Variants in SGCZ observed in about 807,000 individuals in gnomAD.
SGCZ encodes sarcoglycan zeta.
Under a neutral mutation model 41.3 loss-of-function variants are expected in SGCZ, and 40 were observed. The observed-to-expected ratio is 0.97, with a 90% CI of 0.75 to 1.26. SGCZ has a LOEUF of 1.26. Among genes scored for constraint, SGCZ ranks in the 50% most tolerant of loss-of-function variants. The pLI, the probability that SGCZ is intolerant of heterozygous loss-of-function variation, is 0.00. For synonymous variants in SGCZ, 206 were observed against 137.5 expected, an observed-to-expected ratio of 1.50 and a Z score of -3.49; for missense variants, 552 against 369.8, an observed-to-expected ratio of 1.49 and a Z score of -4.04.
At chr8:15,160,546 G>C (rs1246048893) in intron 1 of SGCZ, among the ~76,000 whole-genome samples, 1 of 152,140 alleles carries the variant, frequency 6.6e-6, no homozygotes, top group East Asian at 1.9e-4. Context: ...TTTGAAAGAA[G>C]GAAAAGTAGC....
chr8:14,276,667 C>T (rs10105467), intron 3 of SGCZ, among the ~76,000 whole-genome samples: 32,823 of 151,870 alleles, frequency 0.22, 3,722 homozygotes, highest in East Asian at 0.3. Context: ...CTTTTCTTTC[C>T]AATTTGTATT....
At chr8:14,813,765 A>T (rs1360536696) in intron 1 of SGCZ, among the ~76,000 whole-genome samples, 1 of 152,144 alleles carries the variant, frequency 6.6e-6, no homozygotes, top group East Asian at 1.9e-4. Context: ...CAACGTGGCC[A>T]ACATGCAGAA....
At chr8:14,965,448 A>C (rs1313506204) in intron 1 of SGCZ, among the ~76,000 whole-genome samples, 2 of 152,154 alleles carry the variant, frequency 1.3e-5, no homozygotes, top group Non-Finnish European at 2.9e-5. Flanking sequence ...GCAAAAGAAA[A>C]TATGAGTGGC....
chr8:14,814,387 T>C (rs900681340), intron 1 of SGCZ, among the ~76,000 whole-genome samples: 1 of 151,998 alleles, frequency 6.6e-6, no homozygotes, highest in African/African-American at 2.4e-5. Flanking sequence ...GGGCAAAGAT[T>C]CAAAGAGCTA....
At chr8:14,735,701 G>C (rs111523962) in intron 1 of SGCZ, among the ~76,000 whole-genome samples, 71 of 152,192 alleles carry the variant, frequency 4.7e-4, no homozygotes, top group African/African-American at 1.6e-3. Context: ...ACTCCCTTTC[G>C]TATATACATC....
intron 4 of SGCZ, among the ~76,000 whole-genome samples, chr8:14,223,615 G>C (rs1806277913): frequency 1.3e-5 from 2 of 152,200 alleles, no homozygotes; most frequent in Admixed American, 1.3e-4. Flanking sequence ...TGTCCTGTCA[G>C]TTATTTGTTA....
chr8:14,813,860 G>A (rs1585284030), intron 1 of SGCZ, among the ~76,000 whole-genome samples: 1 of 152,258 alleles, frequency 6.6e-6, no homozygotes, highest in South Asian at 2.1e-4. Flanking sequence ...CACTAAGGCA[G>A]AAGAATCACT....
chr8:15,003,119 G>A (rs988276377), intron 1 of SGCZ, among the ~76,000 whole-genome samples: 4 of 152,112 alleles, frequency 2.6e-5, no homozygotes, highest in Non-Finnish European at 5.9e-5. Context: ...TTGTCATGGT[G>A]AAATTTAATA....
At chr8:14,989,579 C>A (rs971279650) in intron 1 of SGCZ, among the ~76,000 whole-genome samples, 2 of 152,002 alleles carry the variant, frequency 1.3e-5, no homozygotes, top group African/African-American at 4.8e-5. Flanking sequence ...GCAGAAGAGG[C>A]CTCAGGGATT....
At chr8:14,145,349 C>T (rs1264805325) in intron 5 of SGCZ, among the ~76,000 whole-genome samples, 6 of 152,144 alleles carry the variant, frequency 3.9e-5, no homozygotes, top group African/African-American at 1.4e-4. Context: ...ACTAACAACC[C>T]CTATGACTAT....
chr8:14,310,670 C>T (rs1471199305), intron 3 of SGCZ, among the ~76,000 whole-genome samples: 2 of 151,980 alleles, frequency 1.3e-5, no homozygotes, highest in Admixed American at 6.6e-5. Context: ...AAAATGTGTA[C>T]AGTGAATTGT....
intron 1 of SGCZ, among the ~76,000 whole-genome samples, chr8:14,564,824 A>G (rs79292419): frequency 0.027 from 4,047 of 152,288 alleles, 184 homozygotes; most frequent in African/African-American, 0.092. Context: ...AGAGATTGAA[A>G]CAATACAGTA....
Position 14,102,365 on chromosome 8 carries a change from C to A in SGCZ, c.744+11G>T. ...CAGTATAGGGCGAGGGTCCAACTTT[C>A]TGGGACTCACCTCCCCTTCTGTAGA... On this transcript the variant is annotated intron_variant, in intron 7 of 7. Transcript: ENST00000382080. The A allele has an allele frequency of 6.8e-7, 1 of 1,471,216 alleles. No individual in the cohort carries two copies. The highest frequency in any genetic ancestry group is 9.1e-7 in the Non-Finnish European group (1 of 1,094,852). 91.1% of individuals were successfully genotyped at this position (1,471,216 alleles called of 1,614,324 possible).
chr8:14,503,454 G>C (rs1226563182), intron 2 of SGCZ, among the ~76,000 whole-genome samples: 1 of 152,016 alleles, frequency 6.6e-6, no homozygotes, highest in East Asian at 1.9e-4. Flanking sequence ...TACAAAAAAT[G>C]TATAAAAATA....
chr8:14,573,290 C>G (rs113049919), intron 1 of SGCZ, among the ~76,000 whole-genome samples: 5 of 148,440 alleles, frequency 3.4e-5, no homozygotes, highest in African/African-American at 1.2e-4. Context: ...CTCCGCCTCC[C>G]GGGTTCAAGC....
chr8:15,142,292 T>C (rs1251549996), intron 1 of SGCZ, among the ~76,000 whole-genome samples: 1 of 152,138 alleles, frequency 6.6e-6, no homozygotes, highest in Non-Finnish European at 1.5e-5. Context: ...TTGTTTCTTA[T>C]TGCACTCTGA....
intron 1 of SGCZ, among the ~76,000 whole-genome samples, chr8:15,035,419 TA>T (rs1235901394): frequency 6.6e-6 from 1 of 151,962 alleles, no homozygotes; most frequent in African/African-American, 2.4e-5. Flanking sequence ...AGGAAAACCA[TA>T]AGACAGGAAG....
At chr8:14,516,087 C>T (rs1802611449) in intron 2 of SGCZ, among the ~76,000 whole-genome samples, 2 of 150,700 alleles carry the variant, frequency 1.3e-5, no homozygotes, top group Non-Finnish European at 1.5e-5. Context: ...TGGCACTTGG[C>T]AGTATGATCA....
chr8:14,846,703 C>CAAAAAAAAA (rs56796907), intron 1 of SGCZ, among the ~76,000 whole-genome samples: 7 of 19,342 alleles, frequency 3.6e-4, no homozygotes, highest in Admixed American at 1.5e-3. Context: ...CCTTTAAATC[C>CAAAAAAAAA]AAAAAAAAAA....
Sources: gnomAD v4.1 joint callset for allele counts (sites outside exome capture counted in the v4.1 genomes callset) on GRCh38, gnomAD v4.1.1 for gene constraint, MANE v1.5 for transcripts, NCBI Gene and HGNC (gene_info 2026-07-23, HGNC 2026-07-21) for gene names.